The following RADX variants were observed in gnomAD, a reference collection of about 807,000 sequenced individuals.
The protein encoded by RADX is RPA1 related single stranded DNA binding protein, X-linked, also known as RPA-related protein RADX.
RADX carries 36 observed loss-of-function variants against 61.6 expected under a neutral mutation model. That is an observed-to-expected ratio of 0.58 (90% CI 0.45 to 0.77). The LOEUF is 0.77. Among genes scored for constraint, RADX ranks in the 30% least tolerant of loss-of-function variants. The probability of loss-of-function intolerance (pLI) is 0.00; values close to 1 mark genes in which losing one functional copy is unlikely to be tolerated. For missense variants in RADX, 497 were observed against 651.1 expected (o/e 0.76, Z 2.58); for synonymous variants, 272 against 237.9 (o/e 1.14, Z -1.32).
At chrX:106,614,269 T>TA (rs1422721831) in intron 1 of RADX, among the ~76,000 whole-genome samples, 9 of 111,496 alleles carry the variant, frequency 8.1e-5, no homozygotes, top group African/African-American at 1.6e-4. Flanking sequence ...TGTATTTTTT[T>TA]AAAAAAAAGG....
intron 10 of RADX, among the ~76,000 whole-genome samples, chrX:106,644,425 A>G (rs1927607122): frequency 9.0e-6 from 1 of 111,080 alleles, no homozygotes. Flanking sequence ...TATGGTTTTT[A>G]TTATGCTGAA....
chrX:106,627,095 G>A (rs1220624405), intron 3 of RADX, among the ~76,000 whole-genome samples: 1 of 112,170 alleles, frequency 8.9e-6, no homozygotes, highest in Non-Finnish European at 1.9e-5. Context: ...GCCTACATGT[G>A]TAAGTGGATT....
intron 13 of RADX, among the ~76,000 whole-genome samples, chrX:106,676,902 T>C (rs1291008740): frequency 1.8e-5 from 2 of 111,545 alleles, no homozygotes; most frequent in African/African-American, 6.5e-5. Context: ...GCCTTCTTGA[T>C]TCCCCGTTGT....
At chrX:106,657,849 A>C (rs185566762) in intron 11 of RADX, among the ~76,000 whole-genome samples, 60 of 111,383 alleles carry the variant, frequency 5.4e-4, no homozygotes, top group African/African-American at 1.9e-3. Flanking sequence ...AATATATATA[A>C]TAATTTAAAA....
Position 106,673,701 on chromosome X carries a change from G to A in RADX, c.2437+4371G>A, listed in dbSNP as rs757213177. Among the ~76,000 whole-genome samples, 19 of 70,979 alleles carry A rather than the reference G, an allele frequency of 2.7e-4. 1 individual carries two copies. Among genetic ancestry groups the A allele is most frequent in the South Asian group, 2.6e-3 (3 of 1,152 alleles). The allele number at this position is 70,979 out of a possible 115,157, so 61.6% of individuals were successfully genotyped here. A position where few individuals can be genotyped will look rare whatever the true frequency, so the allele number is the denominator to read the frequency against. ...CCATCCCCCCCCACACACACACACC[G>A]CCCCTGGTACACTGTCTCTGAGTCC... On this transcript the variant is annotated intron_variant, in intron 13 of 13. Coordinates refer to ENST00000372548, the MANE Select transcript of RADX (RefSeq NM_018015.6).
At position 106,611,998 on chromosome X, in the gene RADX, C is replaced by G; in HGVS notation, c.-83C>G. On this transcript the variant is annotated 5_prime_UTR_variant, in exon 1 of 14. Transcript: ENST00000372548. ...GCAGGGGCAGAGTAGCGATCGTCGC[C>G]AAAGCGCGCGGTTTTATTTCTCTCC... 9.4e-7 allele frequency: 1 copy of G among 1,069,223 alleles called. No homozygotes were observed. The highest frequency in any genetic ancestry group is 1.3e-6 in the Non-Finnish European group (1 of 793,929). 88.1% of individuals were successfully genotyped at this position (1,069,223 alleles called of 1,213,427 possible).
At position 106,639,534 on chromosome X, in the gene RADX, G is replaced by A. The variant is rs149005955; in HGVS notation, c.1581G>A (p.Ser527=). Residue 527 remains serine (S), a synonymous_variant, in exon 9 of 14, where the codon TCG becomes TCA. Transcript: ENST00000372548. Reference sequence around the variant, plus strand: ...TCTTGGACTTTTTTGCAGTTGAGTCGCTCTTGACAGCTATAAGTGAAGTCA... The same window carrying A: ...TCTTGGACTTTTTTGCAGTTGAGTCACTCTTGACAGCTATAAGTGAAGTCA... ...SKYSSSIKVE[S]LLTAISEVRK... is the part of the protein sequence containing the mutation. The A allele has an allele frequency of 5.3e-5, 62 of 1,177,907 alleles. No individual in the cohort carries two copies. The highest frequency in any genetic ancestry group is 6.2e-5 in the Non-Finnish European group (55 of 880,933).
At chrX:106,673,687 C>G (rs753402584) in intron 13 of RADX, among the ~76,000 whole-genome samples, 5 of 104,771 alleles carry the variant, frequency 4.8e-5, no homozygotes, top group East Asian at 3.0e-4. Flanking sequence ...CATCCCCCCC[C>G]ACACACACAC....
intron 9 of RADX, 124 bp from the exon 10 acceptor site, chrX:106,640,428 G>A (rs1927480416): frequency 2.2e-6 from 1 of 447,163 alleles, no homozygotes; most frequent in Non-Finnish European, 3.8e-6. Context: ...TAAAAGCACT[G>A]TTATGATTGA....
chrX:106,631,774 AAG>A (rs1927229428), intron 3 of RADX, among the ~76,000 whole-genome samples: 1 of 104,726 alleles, frequency 9.5e-6, no homozygotes, highest in Non-Finnish European at 1.9e-5. Flanking sequence ...GAGAGAGAGA[AAG>A]AAAGAAGAAA....
intron 1 of RADX, among the ~76,000 whole-genome samples, chrX:106,615,158 C>T (rs1926771499): frequency 8.9e-6 from 1 of 112,266 alleles, no homozygotes; most frequent in African/African-American, 3.2e-5. Flanking sequence ...GGCCGTACTG[C>T]GGAGGATGGC....
At chrX:106,651,132 T>C (rs1485289525) in intron 11 of RADX, among the ~76,000 whole-genome samples, 1 of 111,015 alleles carries the variant, frequency 9.0e-6, no homozygotes, top group East Asian at 2.8e-4. Flanking sequence ...ATAAACTGTA[T>C]CTAGACATAT....
At chrX:106,622,505 G>C (rs1257355675) in intron 1 of RADX, 146 bp from the exon 2 acceptor site, 17 of 460,786 alleles carry the variant, frequency 3.7e-5, no homozygotes, top group Non-Finnish European at 4.8e-5. Flanking sequence ...GTTTATGAGA[G>C]GTAATAGACT....
intron 12 of RADX, among the ~76,000 whole-genome samples, chrX:106,666,756 CA>C (rs1317224672): frequency 9.0e-6 from 1 of 111,182 alleles, no homozygotes; most frequent in Non-Finnish European, 1.9e-5. Context: ...CAAATTTTTC[CA>C]AAAAATACTT....
intron 1 of RADX, among the ~76,000 whole-genome samples, chrX:106,619,920 T>C (rs1010731540): frequency 8.9e-6 from 1 of 112,023 alleles, no homozygotes; most frequent in Admixed American, 9.4e-5. Flanking sequence ...ATTTTTAGCT[T>C]TAATTTTTAT....
At chrX:106,646,252 G>A (rs1442242433) in intron 10 of RADX, among the ~76,000 whole-genome samples, 1 of 110,299 alleles carries the variant, frequency 9.1e-6, no homozygotes, top group African/African-American at 3.3e-5. Context: ...TGCTGCTATG[G>A]GATAAGACTT....
chrX:106,624,107 C>T (rs1442106322), intron 2 of RADX, among the ~76,000 whole-genome samples: 1 of 111,469 alleles, frequency 9.0e-6, no homozygotes, highest in African/African-American at 3.3e-5. Flanking sequence ...TACCTCTGCT[C>T]ACGTTGTTTC....
chrX:106,639,681 A>G lies in RADX; in HGVS notation c.1728A>G (p.Thr576=). ...SATESASASE[T]LRNANRPSTS... ...CTGAAAGTGCCTCAGCATCAGAAAC[A>G]CTTCGGGTATGGTGCCAGAGAATTA... is the stretch of plus-strand genomic sequence containing the variant. Residue 576 remains threonine (T), a synonymous_variant, in exon 9 of 14, where the codon ACA becomes ACG. Transcript: ENST00000372548. The G allele has an allele frequency of 1.7e-6, 2 of 1,176,202 alleles. No homozygotes were observed. Among genetic ancestry groups the G allele is most frequent in the South Asian group, 2.0e-5 (1 of 50,315 alleles).
intron 3 of RADX, among the ~76,000 whole-genome samples, chrX:106,631,785 AAAG>A (rs1382355739): frequency 2.9e-4 from 30 of 102,457 alleles, no homozygotes; most frequent in Non-Finnish European, 5.4e-4. Flanking sequence ...AGAAAGAAGA[AAAG>A]AAAGAGAAAG....
Sources: gnomAD v4.1 joint callset for allele counts (sites outside exome capture counted in the v4.1 genomes callset) on GRCh38, gnomAD v4.1.1 for gene constraint, MANE v1.5 for transcripts, NCBI Gene and HGNC (gene_info 2026-07-23, HGNC 2026-07-21) for gene names.